GAS7: variants seen among roughly 807,000 people sequenced by gnomAD.
The protein encoded by GAS7 is growth arrest specific 7, also known as growth arrest-specific protein 7.
In GAS7, 28 loss-of-function variants were observed where a neutral mutation model predicts 71.1. The observed-to-expected ratio is 0.39, with a 90% CI of 0.29 to 0.54. GAS7 has a LOEUF of 0.54. Among genes scored for constraint, GAS7 ranks in the 20% least tolerant of loss-of-function variants. The probability of loss-of-function intolerance (pLI) is 0.62; values close to 1 mark genes in which losing one functional copy is unlikely to be tolerated. For missense variants in GAS7, 436 were observed against 627.8 expected (o/e 0.69, Z 3.27); for synonymous variants, 258 against 245.8 (o/e 1.05, Z -0.46).
At position 9,981,914 on chromosome 17, in the gene GAS7, T is replaced by C; in HGVS notation, c.305-30A>G. On this transcript the variant is annotated intron_variant, in intron 2 of 13. Coordinates refer to ENST00000432992, the MANE Select transcript of GAS7 (RefSeq NM_201433.2). The surrounding 1 kb of genome is among the most constrained non-coding windows in gnomAD (Gnocchi z 4.4). Reference sequence around the variant, plus strand: ...TGAAAGAAGAGCAAAGAAAATCACTTTGAGAATGTCACAGGGCAGAACCTG... The same window carrying C: ...TGAAAGAAGAGCAAAGAAAATCACTCTGAGAATGTCACAGGGCAGAACCTG... The C allele has an allele frequency of 8.1e-7, 1 of 1,229,044 alleles. No homozygotes were observed. Among genetic ancestry groups the C allele is most frequent in the Non-Finnish European group, 1.2e-6 (1 of 828,742 alleles). The allele number at this position is 1,229,044 out of a possible 1,614,324, so 76.1% of individuals were successfully genotyped here. A position where few individuals can be genotyped will look rare whatever the true frequency, so the allele number is the denominator to read the frequency against.
At chr17:10,126,899 G>T (rs993739677) in intron 1 of GAS7, among the ~76,000 whole-genome samples, 3 of 152,120 alleles carry the variant, frequency 2.0e-5, no homozygotes, top group African/African-American at 7.2e-5. Context: ...AACCTCTTTG[G>T]GTCTCTGTTT....
rs1314159380 is a variant in GAS7 at position 10,026,314 on chromosome 17, G to A, written c.184-6417C>T. 3 of 984,598 alleles carry A rather than the reference G, an allele frequency of 3.0e-6. No individual in the cohort carries two copies. Among genetic ancestry groups the A allele is most frequent in the Non-Finnish European group, 3.6e-6 (3 of 829,442 alleles). The allele number at this position is 984,598 out of a possible 1,614,324, so 61.0% of individuals were successfully genotyped here. A position where few individuals can be genotyped will look rare whatever the true frequency, so the allele number is the denominator to read the frequency against. On this transcript the variant is annotated intron_variant, in intron 1 of 13. Coordinates refer to ENST00000432992, the MANE Select transcript of GAS7 (RefSeq NM_201433.2). The surrounding 1 kb of genome is among the most constrained non-coding windows in gnomAD (Gnocchi z 4.5). The stretch of plus-strand genomic sequence containing the variant: ...AGCTCTAAAGAAAAGCATATCCACA[G>A]GGCCCCACACCCCCACTCCCCCCAC...
intron 1 of GAS7, among the ~76,000 whole-genome samples, chr17:10,047,733 G>A (rs1245099223): frequency 6.6e-6 from 1 of 152,140 alleles, no homozygotes; most frequent in Non-Finnish European, 1.5e-5. Flanking sequence ...GACGAGGTGA[G>A]GATTATATAA....
intron 2 of GAS7, among the ~76,000 whole-genome samples, chr17:9,998,435 C>T (rs1225825508): frequency 6.6e-6 from 1 of 152,032 alleles, no homozygotes. Flanking sequence ...CCACTTCTGC[C>T]AAATGGCTGC....
intron 1 of GAS7, among the ~76,000 whole-genome samples, chr17:10,162,066 C>CAAAAAAA (rs58368044): frequency 9.7e-6 from 1 of 103,598 alleles, no homozygotes; most frequent in Non-Finnish European, 1.9e-5. Flanking sequence ...GACTCCATCT[C>CAAAAAAA]AAAAAAAAAA....
Position 10,127,774 on chromosome 17 carries a change from G to A in GAS7, c.183+70434C>T, listed in dbSNP as rs147452465. On this transcript the variant is annotated intron_variant, in intron 1 of 13. Transcript: ENST00000432992. ...AAGACTGGGCAAGCTCCAACCAGGC[G>A]AAGTGGACTAGGAGAGGAATCTCTG... 4.7e-3 allele frequency among the ~76,000 whole-genome samples: 713 copies of A among 152,276 alleles called. 5 individuals are homozygous for A. Among genetic ancestry groups the A allele is most frequent in the African/African-American group, 0.015 (639 of 41,546 alleles).
intron 1 of GAS7, among the ~76,000 whole-genome samples, chr17:10,029,552 T>C (rs554702451): frequency 6.6e-6 from 1 of 152,242 alleles, no homozygotes; most frequent in African/African-American, 2.4e-5. Context: ...GAGTCTCAAA[T>C]ATAGACAGTA....
intron 1 of GAS7, among the ~76,000 whole-genome samples, chr17:10,030,213 G>A (rs937870688): frequency 1.1e-4 from 16 of 152,200 alleles, no homozygotes; most frequent in African/African-American, 3.6e-4. Flanking sequence ...TATTGGCCCC[G>A]AGGGGGCAGT....
intron 2 of GAS7, among the ~76,000 whole-genome samples, chr17:10,001,379 G>A (rs1321510225): frequency 2.0e-5 from 3 of 152,086 alleles, no homozygotes; most frequent in African/African-American, 7.2e-5. Context: ...GTAAAAAGAG[G>A]AAATAAAACC....
At position 10,092,613 on chromosome 17, in the gene GAS7, T is replaced by G. The variant is rs2073595538; in HGVS notation, c.184-72716A>C. The stretch of plus-strand genomic sequence containing the variant: ...GCTTGCTGCATTAGTTTCATATGAC[T>G]GCTGTAACAATCACAAACCTCTTGG... On this transcript the variant is annotated intron_variant, in intron 1 of 13. Transcript: ENST00000432992. 2.6e-5 allele frequency among the ~76,000 whole-genome samples: 4 copies of G among 152,240 alleles called. No homozygotes were observed. In the South Asian group the frequency reaches 8.3e-4, roughly 32 times the overall value.
intron 1 of GAS7, among the ~76,000 whole-genome samples, chr17:10,132,138 G>A (rs953567501): frequency 9.2e-5 from 14 of 152,150 alleles, no homozygotes; most frequent in Non-Finnish European, 4.4e-5. Flanking sequence ...GAAAATGTAC[G>A]CATGAATGTA....
intron 1 of GAS7, among the ~76,000 whole-genome samples, chr17:10,082,274 G>C (rs2073465375): frequency 6.6e-6 from 1 of 152,176 alleles, no homozygotes; most frequent in Admixed American, 6.5e-5. Context: ...CCTCCAGGAA[G>C]AGAAGGAAAG....
intron 1 of GAS7, among the ~76,000 whole-genome samples, chr17:10,110,488 C>A (rs980844926): frequency 1.3e-5 from 2 of 151,780 alleles, no homozygotes; most frequent in East Asian, 3.9e-4. Flanking sequence ...TTTTTTAAGA[C>A]GGAGTCTCGC....
intron 1 of GAS7, among the ~76,000 whole-genome samples, chr17:10,090,632 T>C (rs1597785909): frequency 6.6e-6 from 1 of 152,046 alleles, no homozygotes; most frequent in East Asian, 1.9e-4. Context: ...GAGGGAAAAA[T>C]TCAGGTTGTG....
At chr17:10,038,891 A>C (rs1193648059) in intron 1 of GAS7, among the ~76,000 whole-genome samples, 1 of 152,068 alleles carries the variant, frequency 6.6e-6, no homozygotes, top group African/African-American at 2.4e-5. Context: ...TGACATATGC[A>C]ACCATGTGGA....
chr17:10,084,896 T>A (rs1411584777), intron 1 of GAS7, among the ~76,000 whole-genome samples: 2 of 152,294 alleles, frequency 1.3e-5, no homozygotes, highest in Middle Eastern at 3.4e-3. Context: ...CGGTCCCCGG[T>A]GGCTCCTTCA....
In GAS7 at chr17:9,926,831, G is replaced by C. The variant is rs1597459671; in HGVS notation, c.886-62C>G. The C allele has an allele frequency of 6.3e-7, 1 of 1,583,430 alleles. No homozygotes were observed. ...GGCATCAGCTGTAAGCCAGTGCAGGGAGGAGGGATGGGAGGGGCACCCCCA... is the reference window on the plus strand; with the variant it reads ...GGCATCAGCTGTAAGCCAGTGCAGGCAGGAGGGATGGGAGGGGCACCCCCA... On this transcript the variant is annotated intron_variant, in intron 9 of 13. Coordinates refer to ENST00000432992, the MANE Select transcript of GAS7 (RefSeq NM_201433.2). This position sits in a 1 kb window ranked among gnomAD's most constrained non-coding sequence, Gnocchi z 5.0.
At chr17:10,085,698 AAAAAAAAAAAAG>A (rs1339832754) in intron 1 of GAS7, among the ~76,000 whole-genome samples, 2 of 145,492 alleles carry the variant, frequency 1.4e-5, no homozygotes. Context: ...TCTCAAAAAA[AAAAAAAAAAAAG>A]AAAGAAAGAA....
At chr17:9,996,742 G>A (rs955235698) in intron 2 of GAS7, among the ~76,000 whole-genome samples, 3 of 151,622 alleles carry the variant, frequency 2.0e-5, no homozygotes, top group Non-Finnish European at 4.4e-5. Flanking sequence ...AGGTTCAAGC[G>A]ATTCTCCTGC....
Sources: allele counts gnomAD v4.1 joint callset (sites outside exome capture counted in the v4.1 genomes callset), GRCh38; gene constraint gnomAD v4.1.1; non-coding constraint Gnocchi (gnomAD v3.1); transcripts MANE v1.5; gene names NCBI Gene and HGNC (gene_info 2026-07-23, HGNC 2026-07-21).